The following NUP98 variants were observed in gnomAD, a reference collection of about 807,000 sequenced individuals.
NUP98 encodes the protein nuclear pore complex protein Nup98-Nup96.
NUP98 carries 26 observed loss-of-function variants against 191.9 expected under a neutral mutation model. That is an observed-to-expected ratio of 0.14 (90% CI 0.10 to 0.19). NUP98 has a LOEUF of 0.19. Ranked by LOEUF, NUP98 falls within the 10% of genes least tolerant of loss-of-function variation. The probability of loss-of-function intolerance (pLI) is 1.00; values close to 1 mark genes in which losing one functional copy is unlikely to be tolerated. For missense variants in NUP98, 1,941 were observed against 2,178.8 expected (o/e 0.89, Z 2.17); for synonymous variants, 808 against 778.4 (o/e 1.04, Z -0.63).
intron 16 of NUP98, among the ~76,000 whole-genome samples, chr11:3,721,773 A>G (rs572473002): frequency 6.6e-6 from 1 of 152,192 alleles, no homozygotes; most frequent in Non-Finnish European, 1.5e-5. Flanking sequence ...ATACCAAAAT[A>G]AAAAAAGCAG....
At chr11:3,796,992 G>A (rs978118624) in intron 1 of NUP98, among the ~76,000 whole-genome samples, 2 of 152,234 alleles carry the variant, frequency 1.3e-5, no homozygotes, top group African/African-American at 4.8e-5. Context: ...TTATGGAGAA[G>A]CCAAGGCAAA....
chr11:3,704,641 A>C (rs533145028), intron 22 of NUP98, among the ~76,000 whole-genome samples: 10 of 152,380 alleles, frequency 6.6e-5, no homozygotes, highest in Non-Finnish European at 1.3e-4. Flanking sequence ...GAACCTAAAC[A>C]AAGCACAAAT....
intron 19 of NUP98, among the ~76,000 whole-genome samples, chr11:3,713,188 G>C (rs1288723502): frequency 6.6e-6 from 1 of 152,152 alleles, no homozygotes; most frequent in Non-Finnish European, 1.5e-5. Context: ...CAATTACATA[G>C]GAAGAGTTGA....
chr11:3,718,227 A>C lies in NUP98; in HGVS notation c.2399+1185T>G, dbSNP rs539646614. Among the ~76,000 whole-genome samples the C allele has an allele frequency of 1.3e-4, 20 of 152,222 alleles. No individual in the cohort carries two copies. In the South Asian group the frequency reaches 4.2e-3, roughly 32 times the overall value. The stretch of plus-strand genomic sequence containing the variant: ...TTTCTTTTTTGACAAGTTTGTGATT[A>C]CTGAGTCAATCTCTTTACTAATTAT... On this transcript the variant is annotated intron_variant, in intron 18 of 32. Coordinates refer to ENST00000324932, the MANE Select transcript of NUP98 (RefSeq NM_016320.5).
At chr11:3,778,755 G>A (rs188044) in intron 4 of NUP98, 118 bp downstream of exon 4, 521,182 of 1,036,408 alleles carry the variant, frequency 0.5, 134,440 homozygotes, top group African/African-American at 0.73. Context: ...CTCTTCCCTT[G>A]TTTTTGCCAT....
At chr11:3,731,004 C>A (rs1190004790) in intron 14 of NUP98, among the ~76,000 whole-genome samples, 1 of 152,198 alleles carries the variant, frequency 6.6e-6, no homozygotes. Context: ...CAGCGGCTCA[C>A]ACCTGTAATC....
rs140861227 is a variant in NUP98 at position 3,699,212 on chromosome 11, T to C, written c.3879A>G (p.Leu1293=). 2.5e-6 allele frequency: 4 copies of C among 1,614,070 alleles called. No homozygotes were observed. Among genetic ancestry groups the C allele is most frequent in the East Asian group, 2.2e-5 (1 of 44,884 alleles). ...LERRRAFSRW[L]SCTATPQIEE... is the part of the protein sequence containing the mutation. ...CAATCTGAGGTGTGGCAGTACAGGATAGCCAGCGGGAGAAAGCTCTTCTTC... is the reference window on the plus strand; with the variant it reads ...CAATCTGAGGTGTGGCAGTACAGGACAGCCAGCGGGAGAAAGCTCTTCTTC... Residue 1293 remains leucine (L), a synonymous_variant, in exon 25 of 33, where the codon CTA becomes CTG. Transcript: ENST00000324932.
At chr11:3,683,092 A>G (rs2078026440) in intron 30 of NUP98, 108 bp downstream of exon 30, 22 of 1,481,440 alleles carry the variant, frequency 1.5e-5, no homozygotes, top group Non-Finnish European at 2.0e-5. Context: ...TTGATTCAAG[A>G]TGGCCATGTC....
At chr11:3,792,382 G>A (rs1211214545) in intron 1 of NUP98, among the ~76,000 whole-genome samples, 1 of 152,014 alleles carries the variant, frequency 6.6e-6, no homozygotes, top group South Asian at 2.1e-4. Context: ...GGCCGAGACG[G>A]GAAGATCACT....
At chr11:3,755,982 A>G (rs2080946206) in intron 10 of NUP98, among the ~76,000 whole-genome samples, 1 of 152,180 alleles carries the variant, frequency 6.6e-6, no homozygotes, top group Non-Finnish European at 1.5e-5. Flanking sequence ...AAATACATGA[A>G]ATAAAATCCA....
At chr11:3,679,740 G>A in intron 30 of NUP98, 32 bp from the exon 31 acceptor site, 4 of 1,598,756 alleles carry the variant, frequency 2.5e-6, no homozygotes, top group Middle Eastern at 1.8e-4. Context: ...CACAATGTCT[G>A]CACAAGTGCA....
In NUP98 at chr11:3,778,022, C is replaced by T. The variant is rs534835722; in HGVS notation, c.355+851G>A. Among the ~76,000 whole-genome samples, 101 of 151,644 alleles carry T rather than the reference C, an allele frequency of 6.7e-4. 1 individual carries two copies. The highest frequency in any genetic ancestry group is 3.4e-3 in the Middle Eastern group (1 of 294). ...GACCATCCTGGCTAACATGGTGAAA[C>T]CCCGTCTCTACAAAAAATACAAAAA... On this transcript the variant is annotated intron_variant, in intron 4 of 32. Coordinates refer to ENST00000324932, the MANE Select transcript of NUP98 (RefSeq NM_016320.5).
chr11:3,769,972 G>A (rs1017960940), intron 7 of NUP98, among the ~76,000 whole-genome samples: 17 of 150,104 alleles, frequency 1.1e-4, no homozygotes, highest in Non-Finnish European at 2.2e-4. Context: ...GAACCCAGGA[G>A]GTGGAGGATG....
At chr11:3,706,718 TACA>T in intron 20 of NUP98, 91 bp from the exon 21 acceptor site, 1 of 1,235,052 alleles carries the variant, frequency 8.1e-7, no homozygotes, top group Non-Finnish European at 1.2e-6. Context: ...CAGAATATGA[TACA>T]ACAATTATTA....
At chr11:3,792,916 C>G (rs999737896) in intron 1 of NUP98, among the ~76,000 whole-genome samples, 2 of 151,974 alleles carry the variant, frequency 1.3e-5, no homozygotes, top group African/African-American at 4.8e-5. Context: ...GCCAGGAGTT[C>G]AAACCCAACA....
At position 3,776,010 on chromosome 11, in the gene NUP98, T is replaced by C. The variant is rs1250646435; in HGVS notation, c.367A>G (p.Ser123Gly). The C allele has an allele frequency of 1.2e-6, 2 of 1,601,974 alleles. No individual in the cohort carries two copies. Among genetic ancestry groups the C allele is most frequent in the Non-Finnish European group, 8.5e-7 (1 of 1,176,626 alleles). The change falls in exon 5 of 33, where the codon AGT becomes GGT. Residue 123 changes from serine (S) to glycine (G), a missense_variant. Ser to Gly is a moderately conservative substitution (Grantham distance 56). Around this residue, in one of 6 missense-constraint regions of NUP98, gnomAD observed 154 missense variants for 182.9 expected, o/e 0.84. Coordinates refer to ENST00000324932, the MANE Select transcript of NUP98 (RefSeq NM_016320.5). ...CCAAAGAGTCCTCCACTGCTAGTAC[T>C]GGTTCCAAAATCTAAAAATAAGAAA... Reference protein sequence around the residue: ...KPTGFGNFGTSTSSGGLFGTT... With the variant: ...KPTGFGNFGTGTSSGGLFGTT...
chr11:3,787,140 G>C (rs765143328), intron 1 of NUP98, among the ~76,000 whole-genome samples: 1 of 152,190 alleles, frequency 6.6e-6, no homozygotes, highest in Non-Finnish European at 1.5e-5. Flanking sequence ...TGGGAAACGA[G>C]GCTGGGTGGA....
intron 16 of NUP98, among the ~76,000 whole-genome samples, chr11:3,722,770 G>A (rs985624613): frequency 1.3e-5 from 2 of 151,962 alleles, no homozygotes; most frequent in African/African-American, 2.4e-5. Context: ...CCAAGACTGC[G>A]ACACTGCACT....
intron 10 of NUP98, among the ~76,000 whole-genome samples, chr11:3,756,379 T>C (rs2080958636): frequency 1.3e-5 from 2 of 152,142 alleles, no homozygotes; most frequent in African/African-American, 2.4e-5. Context: ...GGCACACAAG[T>C]TGGTGAGACA....
Sources: gnomAD v4.1 joint callset for allele counts (sites outside exome capture counted in the v4.1 genomes callset) on GRCh38, gnomAD v4.1.1 for gene constraint, gnomAD v4.1.1 regional missense constraint, MANE v1.5 for transcripts, NCBI Gene and HGNC (gene_info 2026-07-23, HGNC 2026-07-21) for gene names.